SLC35D2: variants seen among roughly 807,000 people sequenced by gnomAD.
SLC35D2 encodes the protein solute carrier family 35 member D2, also known as nucleotide sugar transporter SLC35D2.
In SLC35D2, 43 loss-of-function variants were observed where a neutral mutation model predicts 41.8. That is an observed-to-expected ratio of 1.03 (90% CI 0.81 to 1.33). The LOEUF (loss-of-function observed/expected upper bound fraction) is 1.33, where lower values mean the gene tolerates loss of function less well. Among genes scored for constraint, SLC35D2 ranks in the 40% most tolerant of loss-of-function variants. The pLI is 0.00. For synonymous variants in SLC35D2, 150 were observed against 163.9 expected, an observed-to-expected ratio of 0.92 and a Z score of 0.65; for missense variants, 380 against 408.4, an observed-to-expected ratio of 0.93 and a Z score of 0.60.
At chr9:96,378,717 C>A (rs1182550624) in intron 1 of SLC35D2, among the ~76,000 whole-genome samples, 1 of 150,864 alleles carries the variant, frequency 6.6e-6, no homozygotes, top group Non-Finnish European at 1.5e-5. Context: ...TCAACCTGGG[C>A]AATAGAGCAA....
intron 8 of SLC35D2, among the ~76,000 whole-genome samples, chr9:96,337,919 T>C (rs981246309): frequency 6.8e-6 from 1 of 148,106 alleles, no homozygotes; most frequent in Non-Finnish European, 1.5e-5. Context: ...GAGGCAGAGG[T>C]TGCAGTGAGC....
intron 9 of SLC35D2, among the ~76,000 whole-genome samples, chr9:96,324,726 T>C (rs1054469267): frequency 6.6e-6 from 1 of 152,058 alleles, no homozygotes; most frequent in Non-Finnish European, 1.5e-5. Context: ...CTACTTTTTT[T>C]TGTATTTTAG....
chr9:96,324,400 T>A (rs1044313944), intron 9 of SLC35D2, among the ~76,000 whole-genome samples: 5 of 152,150 alleles, frequency 3.3e-5, no homozygotes, highest in African/African-American at 7.2e-5. Flanking sequence ...TCCTTCTCAT[T>A]TTCTCTGTAC....
intron 6 of SLC35D2, among the ~76,000 whole-genome samples, chr9:96,349,323 T>C (rs1033360599): frequency 6.6e-6 from 1 of 152,082 alleles, no homozygotes; most frequent in East Asian, 1.9e-4. Flanking sequence ...ACAATTTTTG[T>C]CTCCCAGGTC....
At chr9:96,313,725 T>C (rs980601120) in exon 12 of SLC35D2, among the ~76,000 whole-genome samples, 1 of 152,240 alleles carries the variant, frequency 6.6e-6, no homozygotes. Flanking sequence ...TTAAATTCTT[T>C]ACTGCACAGG....
Position 96,321,232 on chromosome 9 carries a change from T to G in SLC35D2, c.*10A>C, listed in dbSNP as rs1356911579. 6.2e-7 allele frequency: 1 copy of G among 1,603,930 alleles called. No individual in the cohort carries two copies. On this transcript the variant is annotated 3_prime_UTR_variant, in exon 12 of 12. Coordinates refer to ENST00000253270, the MANE Select transcript of SLC35D2 (RefSeq NM_007001.3). ...GTCACAAGTCAGTCTCCAATCCTGC[T>G]GCAGACTCTTTAGCTCTTCAAATCC...
intron 9 of SLC35D2, among the ~76,000 whole-genome samples, chr9:96,327,564 T>A (rs1828595336): frequency 6.6e-6 from 1 of 152,116 alleles, no homozygotes; most frequent in African/African-American, 2.4e-5. Flanking sequence ...GCAGCCATCC[T>A]CCTTAGCAAC....
intron 5 of SLC35D2, among the ~76,000 whole-genome samples, chr9:96,351,705 T>C (rs1460060242): frequency 1.3e-5 from 2 of 152,198 alleles, no homozygotes; most frequent in Non-Finnish European, 2.9e-5. Flanking sequence ...CTATCCTGTA[T>C]GTATACATGG....
At chr9:96,339,552 T>C (rs1476579221) in intron 8 of SLC35D2, among the ~76,000 whole-genome samples, 1 of 152,180 alleles carries the variant, frequency 6.6e-6, no homozygotes, top group East Asian at 1.9e-4. Context: ...AAAGAAATAA[T>C]CAAAGGTAAA....
At chr9:96,372,024 C>A (rs1380580660) in intron 1 of SLC35D2, among the ~76,000 whole-genome samples, 4 of 152,170 alleles carry the variant, frequency 2.6e-5, no homozygotes, top group Non-Finnish European at 4.4e-5. Context: ...CCGCGCCCAG[C>A]CTGGTTAAAA....
intron 9 of SLC35D2, among the ~76,000 whole-genome samples, chr9:96,329,088 CAAAAA>C (rs11325875): frequency 1.1e-5 from 1 of 95,180 alleles, no homozygotes; most frequent in Non-Finnish European, 2.1e-5. Context: ...GACTCCATCT[CAAAAA>C]AAAAAAAAAA....
chr9:96,354,703 G>C (rs1829945704), intron 4 of SLC35D2, among the ~76,000 whole-genome samples: 1 of 143,196 alleles, frequency 7.0e-6, no homozygotes, highest in Non-Finnish European at 1.5e-5. Flanking sequence ...AGGAAGCAGA[G>C]GTTGCAGTAG....
chr9:96,375,843 C>G (rs1301670948), intron 1 of SLC35D2, among the ~76,000 whole-genome samples: 2 of 151,960 alleles, frequency 1.3e-5, no homozygotes, highest in Non-Finnish European at 2.9e-5. Flanking sequence ...CACGGCAAAA[C>G]CCCGTCTCTA....
intron 9 of SLC35D2, among the ~76,000 whole-genome samples, chr9:96,330,322 C>T (rs1460661350): frequency 6.6e-6 from 1 of 152,228 alleles, no homozygotes. Flanking sequence ...TATACACACA[C>T]ACAGACACCT....
intron 4 of SLC35D2, among the ~76,000 whole-genome samples, chr9:96,359,686 C>CAA (rs71368248): frequency 7.8e-6 from 1 of 127,536 alleles, no homozygotes; most frequent in Non-Finnish European, 1.7e-5. Flanking sequence ...GACTCTGTCT[C>CAA]AAAAAAAAAA....
At chr9:96,350,346 C>CTTTTTTTTT (rs1564107383) in intron 6 of SLC35D2, among the ~76,000 whole-genome samples, 30 of 130,540 alleles carry the variant, frequency 2.3e-4, no homozygotes, top group African/African-American at 9.9e-4. Flanking sequence ...AATTTTCTTT[C>CTTTTTTTTT]CTTTTTTTTT....
At chr9:96,383,162 C>G (rs747986237) in intron 1 of SLC35D2, among the ~76,000 whole-genome samples, 1 of 152,200 alleles carries the variant, frequency 6.6e-6, no homozygotes. Context: ...TCCTTTGAAG[C>G]AGGCATTTGA....
intron 10 of SLC35D2, among the ~76,000 whole-genome samples, chr9:96,323,674 C>T: frequency 6.6e-6 from 1 of 152,080 alleles, no homozygotes; most frequent in South Asian, 2.1e-4. Flanking sequence ...CGCCTGTAAT[C>T]CCAGCACTTT....
Position 96,351,093 on chromosome 9 carries a change from A to C in SLC35D2, c.488+10T>G. 1.2e-6 allele frequency: 2 copies of C among 1,603,626 alleles called. No individual in the cohort carries two copies. The highest frequency in any genetic ancestry group is 1.7e-5 in the Admixed American group (1 of 60,014). On this transcript the variant is annotated intron_variant, in intron 6 of 11. Coordinates refer to ENST00000253270, the MANE Select transcript of SLC35D2 (RefSeq NM_007001.3). The stretch of plus-strand genomic sequence containing the variant: ...AGAAGTTATTGAGCAGAAACAGTCC[A>C]AAGTCTTACCCAGCTGCTATGAAAG...
Sources: gnomAD v4.1 joint callset for allele counts (sites outside exome capture counted in the v4.1 genomes callset) on GRCh38, gnomAD v4.1.1 for gene constraint, MANE v1.5 for transcripts, NCBI Gene and HGNC (gene_info 2026-07-23, HGNC 2026-07-21) for gene names.